The following LRP1B variants were observed in gnomAD, a reference collection of about 807,000 sequenced individuals.
LRP1B encodes the protein LDL receptor related protein 1B.
In LRP1B, 217 loss-of-function variants were observed where a neutral mutation model predicts 556.6. The ratio of observed to expected loss-of-function variants is 0.39; its 90% CI spans 0.35 to 0.44. The LOEUF (loss-of-function observed/expected upper bound fraction) is 0.44, where lower values mean the gene tolerates loss of function less well. LRP1B is among the 20% of genes least tolerant of loss of function. The pLI is 1.00. For missense variants in LRP1B, 5,053 were observed against 5,620.8 expected, an observed-to-expected ratio of 0.90 and a Z score of 3.23; for synonymous variants, 2,047 against 1,865.8, an observed-to-expected ratio of 1.10 and a Z score of -2.50.
intron 1 of LRP1B, among the ~76,000 whole-genome samples, chr2:141,925,405 T>TA (rs1700307624): frequency 6.6e-6 from 1 of 152,204 alleles, no homozygotes; most frequent in Non-Finnish European, 1.5e-5. Context: ...GTCATGCCTC[T>TA]ATGACAACAT....
intron 3 of LRP1B, among the ~76,000 whole-genome samples, chr2:141,431,692 T>A (rs7424505): frequency 0.46 from 69,806 of 151,888 alleles, 16,192 homozygotes; most frequent in South Asian, 0.6. Context: ...GTTTCTCATA[T>A]CTTTTATTAA....
At chr2:140,237,295 A>G (rs1017387019) in intron 89 of LRP1B, among the ~76,000 whole-genome samples, 1 of 151,064 alleles carries the variant, frequency 6.6e-6, no homozygotes, top group Non-Finnish European at 1.5e-5. Flanking sequence ...TATTTCATAT[A>G]TGACAATATC....
At chr2:140,858,734 CT>C (rs1234432380) in intron 27 of LRP1B, among the ~76,000 whole-genome samples, 2 of 152,050 alleles carry the variant, frequency 1.3e-5, no homozygotes. Flanking sequence ...TCTCTCTCCC[CT>C]ATCCCCACCC....
chr2:141,115,458 G>GTTTTTTT (rs70991138), intron 7 of LRP1B, among the ~76,000 whole-genome samples: 5 of 120,424 alleles, frequency 4.2e-5, no homozygotes, highest in African/African-American at 6.2e-5. Flanking sequence ...TTTTGTTTTT[G>GTTTTTTT]TTTTTTTTTT....
chr2:141,393,204 T>C (rs528911076), intron 3 of LRP1B, among the ~76,000 whole-genome samples: 2 of 152,016 alleles, frequency 1.3e-5, no homozygotes, highest in African/African-American at 4.8e-5. Context: ...TGAACACCAT[T>C]CTATCAAAAC....
At chr2:141,604,130 A>G (rs1355285237) in intron 2 of LRP1B, among the ~76,000 whole-genome samples, 3 of 152,230 alleles carry the variant, frequency 2.0e-5, no homozygotes. Flanking sequence ...GATGGTCGAT[A>G]GATGGTCCAT....
chr2:141,633,450 A>G (rs947549810), intron 2 of LRP1B, among the ~76,000 whole-genome samples: 2 of 152,136 alleles, frequency 1.3e-5, no homozygotes, highest in African/African-American at 4.8e-5. Context: ...CACATCTAGC[A>G]TTCAGCATAG....
chr2:141,311,016 A>C (rs1686793911), intron 3 of LRP1B, among the ~76,000 whole-genome samples: 2 of 152,184 alleles, frequency 1.3e-5, no homozygotes, highest in South Asian at 4.1e-4. Context: ...ACAGCCCTAA[A>C]GTTAAAGTTA....
chr2:140,508,719 T>G (rs1229339314), intron 52 of LRP1B, among the ~76,000 whole-genome samples: 1 of 152,186 alleles, frequency 6.6e-6, no homozygotes, highest in African/African-American at 2.4e-5. Flanking sequence ...AACAGTGACT[T>G]ATTTGGCTTT....
chr2:140,711,088 T>C (rs1230323960), intron 37 of LRP1B, among the ~76,000 whole-genome samples: 1 of 152,086 alleles, frequency 6.6e-6, no homozygotes, highest in Non-Finnish European at 1.5e-5. Flanking sequence ...AGAATAAAAG[T>C]AGAGAAGTCG....
chr2:140,683,813 A>G (rs10928064), intron 41 of LRP1B: 664,356 of 721,912 alleles, frequency 0.92, 307,647 homozygotes, highest in Non-Finnish European at 0.95. Flanking sequence ...GGGCTAGGGG[A>G]TGCCTTCCAT....
At position 141,639,304 on chromosome 2, in the gene LRP1B, GTATATATATATATA is replaced by G. The variant is rs577532316; in HGVS notation, c.206-158785_206-158772del. Reference sequence around the variant, plus strand: ...GGACCCAGGAGTACGCATCATGTGTGTATATATATATATATATATATATATATATATATATATAT... The same window carrying G: ...GGACCCAGGAGTACGCATCATGTGTGTATATATATATATATATATATATAT... On this transcript the variant is annotated intron_variant, in intron 2 of 90. Transcript: ENST00000389484. Among the ~76,000 whole-genome samples, 244 of 58,454 alleles carry G rather than the reference GTATATATATATATA, an allele frequency of 4.2e-3. 11 individuals are homozygous for G. Among genetic ancestry groups the G allele is most frequent in the Middle Eastern group, 0.03 (3 of 100 alleles). 38.3% of individuals were successfully genotyped at this position (58,454 alleles called of 152,430 possible). A position where few individuals can be genotyped will look rare whatever the true frequency, so the allele number is the denominator to read the frequency against.
chr2:141,785,557 C>T (rs939595119), intron 2 of LRP1B, among the ~76,000 whole-genome samples: 3 of 151,438 alleles, frequency 2.0e-5, no homozygotes, highest in African/African-American at 7.3e-5. Context: ...CTAAACAAGC[C>T]CTTAAGATGA....
intron 1 of LRP1B, among the ~76,000 whole-genome samples, chr2:141,862,016 T>C (rs1025254910): frequency 6.6e-6 from 1 of 152,200 alleles, no homozygotes; most frequent in Non-Finnish European, 1.5e-5. Context: ...TAGTCATAAA[T>C]GCACAAACCT....
At chr2:141,471,998 T>C (rs1029841497) in intron 3 of LRP1B, among the ~76,000 whole-genome samples, 3 of 152,216 alleles carry the variant, frequency 2.0e-5, no homozygotes, top group Non-Finnish European at 4.4e-5. Flanking sequence ...CATTAATATG[T>C]CTCTTCAACT....
intron 2 of LRP1B, among the ~76,000 whole-genome samples, chr2:141,688,642 T>C (rs1167518729): frequency 6.6e-6 from 1 of 151,840 alleles, no homozygotes; most frequent in Non-Finnish European, 1.5e-5. Flanking sequence ...AGTCAAACAA[T>C]TGGTAAGTAG....
intron 41 of LRP1B, among the ~76,000 whole-genome samples, chr2:140,655,326 G>A (rs555178798): frequency 6.6e-6 from 1 of 152,136 alleles, no homozygotes; most frequent in East Asian, 1.9e-4. Flanking sequence ...TAAATTTCTA[G>A]CAAATGAACT....
At chr2:141,647,701 T>C (rs58843351) in intron 2 of LRP1B, among the ~76,000 whole-genome samples, 18,636 of 78,554 alleles carry the variant, frequency 0.24, 1,922 homozygotes, top group African/African-American at 0.35. Context: ...AATAACCTTC[T>C]AGTTTTTTTT....
intron 7 of LRP1B, among the ~76,000 whole-genome samples, chr2:141,134,849 C>A (rs1479760178): frequency 1.3e-5 from 2 of 151,244 alleles, no homozygotes; most frequent in Non-Finnish European, 3.0e-5. Context: ...CTAATTATTT[C>A]TTGGCTACAT....
Sources: gnomAD v4.1 joint callset for allele counts (sites outside exome capture counted in the v4.1 genomes callset) on GRCh38, gnomAD v4.1.1 for gene constraint, MANE v1.5 for transcripts, NCBI Gene and HGNC (gene_info 2026-07-23, HGNC 2026-07-21) for gene names.